The following PRKCB variants were observed in gnomAD, a reference collection of about 807,000 sequenced individuals.
PRKCB encodes the protein protein kinase C beta.
A neutral mutation model predicts 81.5 loss-of-function variants in PRKCB; 13 were observed. The ratio of observed to expected loss-of-function variants is 0.16; its 90% CI spans 0.10 to 0.25. The LOEUF (loss-of-function observed/expected upper bound fraction) is 0.25. PRKCB is among the 10% of genes least tolerant of loss of function. PRKCB has a pLI of 1.00. For synonymous variants in PRKCB, 335 were observed against 321.4 expected (o/e 1.04, Z -0.45); for missense variants, 509 against 875.7 (o/e 0.58, Z 5.29).
At chr16:24,147,038 G>C (rs2141948147) in intron 9 of PRKCB, among the ~76,000 whole-genome samples, 1 of 152,232 alleles carries the variant, frequency 6.6e-6, no homozygotes, top group Non-Finnish European at 1.5e-5. Context: ...GCCGGGCGCG[G>C]TGGCTCATGC....
intron 2 of PRKCB, among the ~76,000 whole-genome samples, chr16:23,858,014 G>A (rs1962600843): frequency 6.6e-6 from 1 of 152,144 alleles, no homozygotes. Context: ...TTTTTCCAAA[G>A]TTACAGTTAG....
At chr16:23,882,163 T>G (rs113003130) in intron 2 of PRKCB, among the ~76,000 whole-genome samples, 20 of 150,942 alleles carry the variant, frequency 1.3e-4, no homozygotes, top group Admixed American at 3.3e-4. Context: ...CATGGCAGCC[T>G]TGACCTCCTG....
intron 8 of PRKCB, among the ~76,000 whole-genome samples, chr16:24,113,707 A>G (rs1200791963): frequency 6.6e-6 from 1 of 152,000 alleles, no homozygotes; most frequent in Non-Finnish European, 1.5e-5. Flanking sequence ...GGTTTCTACT[A>G]AGACTTTTCA....
intron 3 of PRKCB, 106 bp downstream of exon 3, chr16:23,988,696 T>A: frequency 9.2e-7 from 1 of 1,082,106 alleles, no homozygotes; most frequent in Non-Finnish European, 1.4e-6. Context: ...GATCTCACTC[T>A]AAGGCATGTG....
chr16:24,123,320 G>T (rs558920676), intron 8 of PRKCB, among the ~76,000 whole-genome samples: 18 of 152,306 alleles, frequency 1.2e-4, no homozygotes, highest in African/African-American at 4.3e-4. Context: ...GGAGAATGAA[G>T]CTACATTGCA....
chr16:23,971,575 G>A (rs543823317), intron 2 of PRKCB, among the ~76,000 whole-genome samples: 2 of 152,274 alleles, frequency 1.3e-5, no homozygotes, highest in East Asian at 1.9e-4. Flanking sequence ...TGGGAGGAGA[G>A]AGAGTTTGGG....
intron 2 of PRKCB, among the ~76,000 whole-genome samples, chr16:23,888,628 C>G (rs879611981): frequency 1.5e-4 from 23 of 152,064 alleles, no homozygotes; most frequent in Non-Finnish European, 3.1e-4. Flanking sequence ...TTGGCCATAA[C>G]CGCTAGTTTA....
chr16:24,133,414 C>A (rs1053734571), intron 9 of PRKCB, among the ~76,000 whole-genome samples: 1 of 152,142 alleles, frequency 6.6e-6, no homozygotes, highest in Non-Finnish European at 1.5e-5. Flanking sequence ...CCTAAGAGGG[C>A]CCATGAGAAT....
chr16:23,838,929 T>C (rs564898785), intron 2 of PRKCB, among the ~76,000 whole-genome samples: 2 of 152,314 alleles, frequency 1.3e-5, no homozygotes, highest in East Asian at 3.9e-4. Context: ...ATTTGGATTG[T>C]TTTCTAGAAC....
In PRKCB at chr16:24,139,749, C is replaced by T. The variant is rs1966881731; in HGVS notation, c.1066-14935C>T. On this transcript the variant is annotated intron_variant, in intron 9 of 16. Transcript: ENST00000643927. Reference sequence around the variant, plus strand: ...CTATCACACAGATCCATGCTTTTATCATCTATAAAGAGATTTTTAAATACA... The same window carrying T: ...CTATCACACAGATCCATGCTTTTATTATCTATAAAGAGATTTTTAAATACA... Among the ~76,000 whole-genome samples the T allele has an allele frequency of 1.3e-5, 2 of 152,206 alleles. 1 individual carries two copies. Among genetic ancestry groups the T allele is most frequent in the South Asian group, 4.1e-4 (2 of 4,830 alleles).
chr16:24,177,496 A>G (rs1312072275), intron 12 of PRKCB, among the ~76,000 whole-genome samples: 1 of 152,186 alleles, frequency 6.6e-6, no homozygotes, highest in Non-Finnish European at 1.5e-5. Context: ...AATGAAAATG[A>G]CAGATACTCA....
At chr16:23,921,133 G>C (rs1298735824) in intron 2 of PRKCB, among the ~76,000 whole-genome samples, 4 of 152,168 alleles carry the variant, frequency 2.6e-5, no homozygotes, top group Non-Finnish European at 5.9e-5. Context: ...CCCCACCCTT[G>C]ACATGCAGGG....
chr16:24,144,549 C>T (rs1408496873), intron 9 of PRKCB, among the ~76,000 whole-genome samples: 2 of 152,354 alleles, frequency 1.3e-5, no homozygotes, highest in Admixed American at 6.5e-5. Flanking sequence ...GATCCACCCT[C>T]CTTGGCCTCC....
chr16:23,851,471 T>C (rs1962471900), intron 2 of PRKCB, among the ~76,000 whole-genome samples: 1 of 152,246 alleles, frequency 6.6e-6, no homozygotes, highest in African/African-American at 2.4e-5. Context: ...TACCGTGCTG[T>C]TTTGATTACA....
At chr16:23,926,070 T>C (rs552221229) in intron 2 of PRKCB, among the ~76,000 whole-genome samples, 30 of 151,602 alleles carry the variant, frequency 2.0e-4, no homozygotes, top group African/African-American at 6.3e-4. Flanking sequence ...AGCCCAGGAG[T>C]TTGAAACCAG....
intron 3 of PRKCB, among the ~76,000 whole-genome samples, chr16:24,008,867 C>T (rs1965163567): frequency 6.6e-6 from 1 of 152,152 alleles, no homozygotes. Context: ...GCCCTTCTTC[C>T]AGGCTGTAGC....
chr16:24,019,420 T>G (rs1377679937), intron 3 of PRKCB, among the ~76,000 whole-genome samples: 1 of 152,192 alleles, frequency 6.6e-6, no homozygotes, highest in African/African-American at 2.4e-5. Context: ...AAAGGTACCA[T>G]GTAATATACA....
intron 5 of PRKCB, among the ~76,000 whole-genome samples, chr16:24,060,447 C>T (rs1965958150): frequency 6.6e-6 from 1 of 152,164 alleles, no homozygotes; most frequent in African/African-American, 2.4e-5. Flanking sequence ...GTACCCCTTC[C>T]CTAAGCGCTG....
At chr16:24,199,647 A>G (rs1397272312) in intron 16 of PRKCB, among the ~76,000 whole-genome samples, 3 of 152,246 alleles carry the variant, frequency 2.0e-5, no homozygotes, top group East Asian at 3.8e-4. Flanking sequence ...TACTGTTCAA[A>G]TATATTAGAA....
Sources: gnomAD v4.1 joint callset for allele counts (sites outside exome capture counted in the v4.1 genomes callset) on GRCh38, gnomAD v4.1.1 for gene constraint, MANE v1.5 for transcripts, NCBI Gene and HGNC (gene_info 2026-07-23, HGNC 2026-07-21) for gene names.